NOX1: variants seen among roughly 807,000 people sequenced by gnomAD.
NOX1 encodes NADPH oxidase 1.
NOX1 carries 34 observed loss-of-function variants against 42.5 expected under a neutral mutation model. That is an observed-to-expected ratio of 0.80 (90% confidence interval 0.61 to 1.07). The LOEUF (loss-of-function observed/expected upper bound fraction) is 1.07, where lower values mean the gene tolerates loss of function less well. Ranked by LOEUF, NOX1 falls within the 50% of genes least tolerant of loss-of-function variation. The pLI, the probability that NOX1 is intolerant of heterozygous loss-of-function variation, is 0.00. For missense variants in NOX1, 408 were observed against 427.0 expected (o/e 0.96, Z 0.39); for synonymous variants, 143 against 152.5 (o/e 0.94, Z 0.46).
At chrX:100,867,416 G>A (rs187452507) in intron 2 of NOX1, among the ~76,000 whole-genome samples, 1 of 112,611 alleles carries the variant, frequency 8.9e-6, no homozygotes, top group East Asian at 2.8e-4. Context: ...TTTTCCCAAG[G>A]TGAGCATGAA....
intron 1 of NOX1, among the ~76,000 whole-genome samples, chrX:100,871,760 G>A (rs770070498): frequency 9.0e-6 from 1 of 111,230 alleles, no homozygotes; most frequent in Non-Finnish European, 1.9e-5. Context: ...TCGCCCCACA[G>A]TATGAGTCAG....
intron 1 of NOX1, 111 bp downstream of exon 1, chrX:100,873,984 C>A: frequency 1.8e-6 from 1 of 548,479 alleles, no homozygotes; most frequent in East Asian, 3.6e-5. Context: ...TCTTGATGAG[C>A]CCAATAATCG....
chrX:100,851,110 G>T, intron 8 of NOX1, 123 bp downstream of exon 8: 1 of 442,846 alleles, frequency 2.3e-6, no homozygotes. Flanking sequence ...AAAGTGCTGG[G>T]ACTACCACCC....
At chrX:100,858,475 T>C (rs1279447174) in intron 7 of NOX1, among the ~76,000 whole-genome samples, 1 of 111,503 alleles carries the variant, frequency 9.0e-6, no homozygotes, top group Non-Finnish European at 1.9e-5. Flanking sequence ...AAGAATGTCA[T>C]TGGTAGTTTG....
At position 100,844,026 on chromosome X, in the gene NOX1, G is replaced by T. The variant is rs370641862; in HGVS notation, c.1621C>A (p.Arg541Ser). The change falls in exon 13 of 13, where the codon CGC becomes AGC. Residue 541 changes from arginine to serine, a missense_variant. Physicochemically the swap from Arg to Ser is moderately radical, Grantham distance 110. Coordinates refer to ENST00000372966, the MANE Select transcript of NOX1 (RefSeq NM_007052.5). ...CGPRTLAKSL[R>S]KCCHRYSSLD... ...CTGGAATATCGGTGACAGCATTTGCGCAGGCTCTTTGCCAAAGTCCGAGGG... is the reference window on the plus strand; with the variant it reads ...CTGGAATATCGGTGACAGCATTTGCTCAGGCTCTTTGCCAAAGTCCGAGGG... 1 of 1,203,054 alleles carries T rather than the reference G, an allele frequency of 8.3e-7. No individual in the cohort carries two copies. The highest frequency in any genetic ancestry group is 1.1e-6 in the Non-Finnish European group (1 of 888,964).
chrX:100,863,663 C>T, intron 2 of NOX1, 68 bp from the exon 3 acceptor site: 1 of 1,141,544 alleles, frequency 8.8e-7, no homozygotes, highest in South Asian at 2.1e-5. Context: ...AGCAACTGAC[C>T]CAGCCCACTC....
chrX:100,848,591 C>A, intron 12 of NOX1, 39 bp downstream of exon 12: 5 of 1,190,583 alleles, frequency 4.2e-6, no homozygotes, highest in Non-Finnish European at 4.5e-6. Flanking sequence ...CCACGCACGG[C>A]CCCTGTAAAC....
chrX:100,860,269 T>C (rs1424154377), intron 7 of NOX1, among the ~76,000 whole-genome samples: 1 of 112,108 alleles, frequency 8.9e-6, no homozygotes, highest in African/African-American at 3.2e-5. Flanking sequence ...TATTCAACAA[T>C]GCTGTAATGA....
In NOX1 at chrX:100,862,706, C is replaced by T; in HGVS notation, c.452G>A (p.Gly151Glu). The T allele has an allele frequency of 8.4e-7, 1 of 1,195,708 alleles. No homozygotes were observed. Among genetic ancestry groups the T allele is most frequent in the East Asian group, 3.0e-5 (1 of 33,729 alleles). ...CTGGATGGGATTTAGCCAAGAACCC[C>T]CCTTTTTCTCATCATGAGATAGGCT... The part of the protein sequence containing the change: ...LSSLSHDEKK[G>E]GSWLNPIQSR... The change falls in exon 5 of 13, where the codon GGG becomes GAG. Residue 151 changes from glycine to glutamate, a missense_variant. Physicochemically the swap from Gly to Glu is moderately conservative, Grantham distance 98 (BLOSUM62 -2). Transcript: ENST00000372966.
At chrX:100,845,718 C>G (rs1356674168) in intron 12 of NOX1, among the ~76,000 whole-genome samples, 1 of 103,194 alleles carries the variant, frequency 9.7e-6, no homozygotes, top group African/African-American at 3.6e-5. Flanking sequence ...CGGGTTCAAG[C>G]GATTCTCCTG....
At chrX:100,859,166 C>CT (rs1254718521) in intron 7 of NOX1, among the ~76,000 whole-genome samples, 1 of 111,752 alleles carries the variant, frequency 8.9e-6, no homozygotes, top group Non-Finnish European at 1.9e-5. Flanking sequence ...TATTGAAAGC[C>CT]TTTTGTGTAT....
chrX:100,852,480 T>G (rs1228193093), intron 7 of NOX1, among the ~76,000 whole-genome samples: 1 of 112,061 alleles, frequency 8.9e-6, no homozygotes, highest in East Asian at 2.8e-4. Flanking sequence ...ATAAAATAAA[T>G]AAATAAATAA....
At chrX:100,864,234 C>T (rs1034665180) in intron 2 of NOX1, among the ~76,000 whole-genome samples, 1 of 111,952 alleles carries the variant, frequency 8.9e-6, no homozygotes, top group Non-Finnish European at 1.9e-5. Flanking sequence ...AAGAGATCTG[C>T]CTGCTTTGGC....
At position 100,850,250 on chromosome X, in the gene NOX1, G is replaced by A. The variant is rs1485022264; in HGVS notation, c.1034C>T (p.Ala345Val). ...LEWHPFTLTS[A>V]PEEDFFSIHI... is the part of the protein sequence containing the mutation. ...AATGGAGAAGAAATCTTCCTCTGGAGCAGAGGTCAAAGTAAAAGGATGCCA... is the reference window on the plus strand; with the variant it reads ...AATGGAGAAGAAATCTTCCTCTGGAACAGAGGTCAAAGTAAAAGGATGCCA... The change falls in exon 9 of 13, where the codon GCT becomes GTT. Residue 345 changes from alanine to valine, a missense_variant. Coordinates refer to ENST00000372966, the MANE Select transcript of NOX1 (RefSeq NM_007052.5). 1 of 1,209,888 alleles carries A rather than the reference G, an allele frequency of 8.3e-7. No homozygotes were observed. The highest frequency in any genetic ancestry group is 1.1e-6 in the Non-Finnish European group (1 of 893,760).
chrX:100,861,034 C>T (rs1031743610), intron 7 of NOX1, among the ~76,000 whole-genome samples: 10 of 111,542 alleles, frequency 9.0e-5, no homozygotes, highest in Admixed American at 8.6e-4. Context: ...CCACCGTGCC[C>T]GGCCCGATGG....
At chrX:100,867,417 T>TGAGCA (rs1315388305) in intron 2 of NOX1, among the ~76,000 whole-genome samples, 1 of 112,842 alleles carries the variant, frequency 8.9e-6, no homozygotes, top group Non-Finnish European at 1.9e-5. Context: ...TTTCCCAAGG[T>TGAGCA]GAGCATGAAT....
rs754292841 is a variant in NOX1 at position 100,853,940 on chromosome X, C to T, written c.805-2615G>A. Reference sequence around the variant, plus strand: ...GGTGGATCACCTGAGGTCAGGAGTTCGAGACCAGTCTGGTCAACGTGGCAA... The same window carrying T: ...GGTGGATCACCTGAGGTCAGGAGTTTGAGACCAGTCTGGTCAACGTGGCAA... On this transcript the variant is annotated intron_variant, in intron 7 of 12. Coordinates refer to ENST00000372966, the MANE Select transcript of NOX1 (RefSeq NM_007052.5). 4.5e-5 allele frequency among the ~76,000 whole-genome samples: 5 copies of T among 112,070 alleles called. No homozygotes were observed. In the East Asian group the frequency reaches 1.4e-3, roughly 32 times the overall value.
Position 100,850,206 on chromosome X carries a change from C to G in NOX1, c.1078G>C (p.Asp360His). Residue 360 changes from aspartate (D) to histidine (H), a missense_variant, in exon 9 of 13, where the codon GAC (aspartate) becomes CAC (histidine). Transcript: ENST00000372966. ...FFSIHIRAAG[D>H]WTENLIRAFE... ...GCCCTTATGAGATTTTCTGTCCAGT[C>G]CCCTGCTGCTCGGATATGAATGGAG... The G allele has an allele frequency of 8.3e-7, 1 of 1,211,378 alleles. No individual in the cohort carries two copies. The highest frequency in any genetic ancestry group is 1.1e-6 in the Non-Finnish European group (1 of 895,226).
Position 100,870,644 on chromosome X carries a change from T to C in NOX1, c.141+75A>G, listed in dbSNP as rs556296087. The C allele has an allele frequency of 5.9e-4, 417 of 708,668 alleles. No homozygotes were observed. In the South Asian group the frequency reaches 5.9e-3, roughly 10 times the overall value. The allele number at this position is 708,668 out of a possible 1,213,427, so 58.4% of individuals were successfully genotyped here. A position where few individuals can be genotyped will look rare whatever the true frequency, so the allele number is the denominator to read the frequency against. The stretch of plus-strand genomic sequence containing the variant: ...CCTAGCCCTAGAGAATATCAGGGCA[T>C]TGGGTCACAAAGAAGCTGGAATCAG... On this transcript the variant is annotated intron_variant, in intron 2 of 12. Coordinates refer to ENST00000372966, the MANE Select transcript of NOX1 (RefSeq NM_007052.5).
Sources: allele counts gnomAD v4.1 joint callset (sites outside exome capture counted in the v4.1 genomes callset), GRCh38; gene constraint gnomAD v4.1.1; transcripts MANE v1.5; gene names NCBI Gene and HGNC (gene_info 2026-07-23, HGNC 2026-07-21).